IKBKB-DT: variants seen among roughly 807,000 people sequenced by gnomAD.
The protein encoded by IKBKB-DT is IKBKB antisense RNA.
At chr8:42,248,327 G>A (rs1010393265) in intron 3 of IKBKB-DT, among the ~76,000 whole-genome samples, 7 of 152,086 alleles carry the variant, frequency 4.6e-5, no homozygotes, top group Middle Eastern at 3.4e-3. Flanking sequence ...GCCACAGACC[G>A]GGACCTGTCT....
At chr8:42,252,477 C>T (rs1465115773) in intron 3 of IKBKB-DT, among the ~76,000 whole-genome samples, 1 of 152,202 alleles carries the variant, frequency 6.6e-6, no homozygotes, top group Non-Finnish European at 1.5e-5. Flanking sequence ...CCCAGATGAG[C>T]AACACCACCT....
At chr8:42,239,993 AT>A (rs1806979691) in intron 3 of IKBKB-DT, among the ~76,000 whole-genome samples, 1 of 152,236 alleles carries the variant, frequency 6.6e-6, no homozygotes, top group East Asian at 1.9e-4. Flanking sequence ...GAATGATGAT[AT>A]GTCTTCCAGG....
At chr8:42,241,118 AG>A (rs573549001) in intron 3 of IKBKB-DT, among the ~76,000 whole-genome samples, 14 of 152,282 alleles carry the variant, frequency 9.2e-5, no homozygotes, top group Non-Finnish European at 2.1e-4. Flanking sequence ...AAATGTTAAA[AG>A]AAAAAATCAG....
At chr8:42,238,024 C>CAA (rs35087510) in intron 3 of IKBKB-DT, among the ~76,000 whole-genome samples, 2,389 of 35,050 alleles carry the variant, frequency 0.068, 385 homozygotes, top group Non-Finnish European at 0.082. Flanking sequence ...GGCCCTCTCT[C>CAA]AAAAAAAAAA....
chr8:42,252,741 C>T (rs1184537695), intron 3 of IKBKB-DT, among the ~76,000 whole-genome samples: 2 of 152,206 alleles, frequency 1.3e-5, no homozygotes, highest in Admixed American at 6.5e-5. Flanking sequence ...TGAATCTCTT[C>T]CTCATTCCTC....
chr8:42,253,826 C>T (rs556857028), intron 3 of IKBKB-DT, among the ~76,000 whole-genome samples: 1 of 152,324 alleles, frequency 6.6e-6, no homozygotes, highest in African/African-American at 2.4e-5. Context: ...TACTGCTGTG[C>T]CCAGTTTCCA....
At chr8:42,270,577 C>G (rs1807570622) in intron 1 of IKBKB-DT, 1 of 152,180 alleles carries the variant, frequency 6.6e-6, no homozygotes, top group Admixed American at 6.6e-5. Context: ...TAGATGTGAG[C>G]TATTATTATC....
At position 42,259,995 on chromosome 8, in the gene IKBKB-DT, C is replaced by CA. The variant is rs1227705573; in HGVS notation, n.1529+3333dup. Among the ~76,000 whole-genome samples, 997 of 104,524 alleles carry CA rather than the reference C, an allele frequency of 9.5e-3. 15 individuals are homozygous for CA. The highest frequency in any genetic ancestry group is 0.024 in the African/African-American group (665 of 27,828). 68.6% of individuals were successfully genotyped at this position (104,524 alleles called of 152,430 possible). ...AGACTCCGTCTCAAAAAAAAAAAAA[C>CA]AAAAAAAAAAGAGAGAGAAAAGAGA... On this transcript the variant is annotated intron_variant and non_coding_transcript_variant, in intron 3 of 3. Transcript: ENST00000518213.
intron 1 of IKBKB-DT, among the ~76,000 whole-genome samples, chr8:42,268,390 C>T (rs947421589): frequency 6.6e-5 from 10 of 152,042 alleles, no homozygotes; most frequent in African/African-American, 1.9e-4. Context: ...CCGCCTTGGC[C>T]TCCCAAAGTG....
At chr8:42,239,687 C>T (rs1201988369) in intron 3 of IKBKB-DT, among the ~76,000 whole-genome samples, 13 of 111,852 alleles carry the variant, frequency 1.2e-4, no homozygotes, top group South Asian at 3.0e-4. Context: ...CTCTTCTTGC[C>T]GAGGCTAGAG....
chr8:42,246,385 C>G (rs140171877), intron 3 of IKBKB-DT, among the ~76,000 whole-genome samples: 75 of 152,334 alleles, frequency 4.9e-4, no homozygotes, highest in African/African-American at 1.8e-3. Context: ...AAGTTTATCT[C>G]TGTGAGTGAC....
At chr8:42,266,666 T>A (rs536290986) in intron 1 of IKBKB-DT, among the ~76,000 whole-genome samples, 71 of 151,638 alleles carry the variant, frequency 4.7e-4, no homozygotes, top group Non-Finnish European at 7.1e-4. Flanking sequence ...AGACAGGAGG[T>A]CTGCACAAGA....
intron 3 of IKBKB-DT, among the ~76,000 whole-genome samples, chr8:42,244,980 T>A (rs1807045233): frequency 6.6e-6 from 1 of 152,128 alleles, no homozygotes; most frequent in African/African-American, 2.4e-5. Context: ...CCGGGCGTGG[T>A]GGTTTACACC....
chr8:42,263,757 C>T (rs1807325841), intron 2 of IKBKB-DT, among the ~76,000 whole-genome samples: 1 of 152,176 alleles, frequency 6.6e-6, no homozygotes, highest in Non-Finnish European at 1.5e-5. Context: ...TGCATTAGAG[C>T]CACACTTCTT....
At chr8:42,245,850 A>ATATAAAAG (rs1230017881) in intron 3 of IKBKB-DT, among the ~76,000 whole-genome samples, 9 of 152,198 alleles carry the variant, frequency 5.9e-5, no homozygotes, top group Admixed American at 6.5e-5. Context: ...AACTCTTGAC[A>ATATAAAAG]TATAAAAGGA....
chr8:42,234,329 G>A (rs146098610), intron 3 of IKBKB-DT, among the ~76,000 whole-genome samples: 25 of 152,260 alleles, frequency 1.6e-4, no homozygotes, highest in African/African-American at 6.0e-4. Context: ...CCTGCCTGAC[G>A]AGCTTCCCAC....
intron 3 of IKBKB-DT, among the ~76,000 whole-genome samples, chr8:42,252,491 T>C (rs1807141616): frequency 1.3e-5 from 2 of 152,192 alleles, no homozygotes; most frequent in Admixed American, 6.5e-5. Context: ...ACCACCTCAC[T>C]AATAGCTGGG....
At chr8:42,234,259 C>A (rs1336453646) in intron 3 of IKBKB-DT, among the ~76,000 whole-genome samples, 1 of 152,194 alleles carries the variant, frequency 6.6e-6, no homozygotes, top group Non-Finnish European at 1.5e-5. Flanking sequence ...AGTTTCATGA[C>A]CATCACCTGA....
chr8:42,259,608 C>G (rs1287101328), intron 3 of IKBKB-DT, among the ~76,000 whole-genome samples: 1 of 152,090 alleles, frequency 6.6e-6, no homozygotes, highest in African/African-American at 2.4e-5. Flanking sequence ...CATTTATATA[C>G]TTTTATCCTA....
Sources: allele counts gnomAD v4.1 joint callset (sites outside exome capture counted in the v4.1 genomes callset), GRCh38; gene constraint gnomAD v4.1.1; transcripts MANE v1.5; gene names NCBI Gene and HGNC (gene_info 2026-07-23, HGNC 2026-07-21).